Variants in SMG7 observed in about 807,000 individuals in gnomAD.
The protein encoded by SMG7 is nonsense-mediated mRNA decay factor SMG7.
A neutral mutation model predicts 148.2 loss-of-function variants in SMG7; 34 were observed. That is an observed-to-expected ratio of 0.23 (90% CI 0.17 to 0.31). The LOEUF is 0.31. Ranked by LOEUF, SMG7 falls within the 10% of genes least tolerant of loss-of-function variation. The pLI, the probability that SMG7 is intolerant of heterozygous loss-of-function variation, is 1.00. For synonymous variants in SMG7, 492 were observed against 515.1 expected, an observed-to-expected ratio of 0.96 and a Z score of 0.61; for missense variants, 1,114 against 1,408.4, an observed-to-expected ratio of 0.79 and a Z score of 3.35.
intron 4 of SMG7, among the ~76,000 whole-genome samples, chr1:183,523,352 G>A (rs1665173473): frequency 1.3e-5 from 2 of 152,090 alleles, no homozygotes; most frequent in African/African-American, 4.8e-5. Context: ...TACCTCTGTG[G>A]TGCTTAGCTT....
At chr1:183,502,825 C>T (rs898691007) in intron 1 of SMG7, among the ~76,000 whole-genome samples, 2 of 152,124 alleles carry the variant, frequency 1.3e-5, no homozygotes, top group South Asian at 4.1e-4. Flanking sequence ...GCAATCAAGC[C>T]TCCCAAGTGC....
At position 183,547,127 on chromosome 1, in the gene SMG7, C is replaced by T. The variant is rs1670064775; in HGVS notation, c.2767C>T (p.Pro923Ser). 4 of 1,550,418 alleles carry T rather than the reference C, an allele frequency of 2.6e-6. No individual in the cohort carries two copies. Among genetic ancestry groups the T allele is most frequent in the South Asian group, 2.4e-5 (2 of 84,040 alleles). The stretch of plus-strand genomic sequence containing the variant: ...GGACCCCAAGAGCTCCCCTCTGCTT[C>T]CTCCGGACCTGTTAAAGAGTCTGGC... The part of the protein sequence containing the change: ...FEDPKSSPLL[P>S]PDLLKSLAAL... Residue 923 changes from proline (P) to serine (S), a missense_variant, in exon 18 of 23, where the codon CCT becomes TCT. This residue lies in a region of SMG7 where 788 missense variants were observed against 894.5 expected (regional missense o/e 0.88). Transcript: ENST00000688051.
chr1:183,533,832 A>G lies in SMG7; in HGVS notation c.1163A>G (p.Tyr388Cys). The change falls in exon 10 of 23, where the codon TAC becomes TGC. Residue 388 changes from tyrosine (Y) to cysteine (C), a missense_variant and splice_region_variant. Physicochemically the swap from Tyr to Cys is radical, Grantham distance 194. Coordinates refer to ENST00000688051, the MANE Select transcript of SMG7 (RefSeq NM_001375584.1). ...FQEAVVDERQ[Y>C]IWPWLISLLN... The stretch of plus-strand genomic sequence containing the variant: ...GAGGCAGTGGTGGATGAAAGACAGT[A>G]GTAAGTATTTTTAGAATTTCATGTT... 1.3e-6 allele frequency: 2 copies of G among 1,596,702 alleles called. No homozygotes were observed. The highest frequency in any genetic ancestry group is 1.7e-6 in the Non-Finnish European group (2 of 1,169,060).
intron 10 of SMG7, 113 bp from the exon 11 acceptor site, chr1:183,537,032 A>G: frequency 1.4e-6 from 1 of 693,378 alleles, no homozygotes; most frequent in South Asian, 1.8e-5. Context: ...AAATGCTGAA[A>G]TAAGGGAAAA....
At chr1:183,540,911 C>G in intron 12 of SMG7, 73 bp from the exon 13 acceptor site, 1 of 1,435,626 alleles carries the variant, frequency 7.0e-7, no homozygotes, top group South Asian at 1.2e-5. Flanking sequence ...TACAGTTAAT[C>G]AGGTGAACTT....
chr1:183,537,529 G>C (rs1004005209), intron 11 of SMG7, among the ~76,000 whole-genome samples: 1 of 152,034 alleles, frequency 6.6e-6, no homozygotes, highest in African/African-American at 2.4e-5. Flanking sequence ...CTCTGTCAAA[G>C]TAATACTTAC....
intron 1 of SMG7, among the ~76,000 whole-genome samples, chr1:183,496,217 C>T (rs769587830): frequency 2.5e-4 from 38 of 152,062 alleles, no homozygotes; most frequent in Non-Finnish European, 4.6e-4. Context: ...AGTTATCTTT[C>T]CTTCTTTATA....
At chr1:183,542,633 G>T in intron 14 of SMG7, 131 bp downstream of exon 14, 2 of 695,792 alleles carry the variant, frequency 2.9e-6, no homozygotes, top group South Asian at 4.2e-5. Flanking sequence ...TGCATAGTAA[G>T]GTTATATAAA....
At chr1:183,531,641 T>G (rs1666885940) in intron 8 of SMG7, among the ~76,000 whole-genome samples, 1 of 152,170 alleles carries the variant, frequency 6.6e-6, no homozygotes. Flanking sequence ...TTGTTAGTAC[T>G]AGGGTGTATT....
intron 4 of SMG7, among the ~76,000 whole-genome samples, chr1:183,526,290 A>G (rs565751421): frequency 1.3e-5 from 2 of 151,888 alleles, no homozygotes; most frequent in South Asian, 2.1e-4. Context: ...CTGAGACTAC[A>G]GGTGCTCACC....
chr1:183,544,239 G>A, intron 14 of SMG7, 114 bp from the exon 15 acceptor site: 1 of 718,902 alleles, frequency 1.4e-6, no homozygotes, highest in Non-Finnish European at 2.3e-6. Context: ...AATATCTTCA[G>A]CATGTACTTT....
chr1:183,538,387 A>G lies in SMG7; in HGVS notation c.1242A>G (p.Pro414=), dbSNP rs1572053335. The G allele has an allele frequency of 6.2e-7, 1 of 1,612,820 alleles. No homozygotes were observed. Among genetic ancestry groups the G allele is most frequent in the Non-Finnish European group, 8.5e-7 (1 of 1,178,848 alleles). The change falls in exon 12 of 23, where the codon CCA becomes CCG. Residue 414 remains proline (P), a synonymous_variant. Transcript: ENST00000688051. ...TTGATTTTGACCCTTTAGCGACACC[A>G]CTTCCAGAGGAGTTTGAATTACAAG... ...EEDLSSISAT[P]LPEEFELQGF...
In SMG7 at chr1:183,541,074, A is replaced by T. The variant is rs770630055; in HGVS notation, c.1386A>T (p.Ile462=). The T allele has an allele frequency of 6.2e-7, 1 of 1,613,638 alleles. No homozygotes were observed. Among genetic ancestry groups the T allele is most frequent in the African/African-American group, 1.3e-5 (1 of 75,052 alleles). ...RRIRQQRLIS[I]GKWIADNQPR... is the part of the protein sequence containing the mutation. ...TACGACAGCAACGCTTGATCTCTAT[A>T]GGCAAATGGATTGCTGATAATCAGC... Residue 462 remains isoleucine, a synonymous_variant, in exon 13 of 23, where the codon ATA becomes ATT. Coordinates refer to ENST00000688051, the MANE Select transcript of SMG7 (RefSeq NM_001375584.1).
chr1:183,510,042 T>G (rs765002495), intron 1 of SMG7, among the ~76,000 whole-genome samples: 22 of 152,332 alleles, frequency 1.4e-4, no homozygotes, highest in Admixed American at 1.0e-3. Context: ...CATACTGAAA[T>G]GTTACTTGTT....
Position 183,530,129 on chromosome 1 carries a change from A to T in SMG7, c.843+596A>T, listed in dbSNP as rs191564144. On this transcript the variant is annotated intron_variant, in intron 8 of 22. Transcript: ENST00000688051. The stretch of plus-strand genomic sequence containing the variant: ...AAAAGTATTAACTTTTTTTCAGTTC[A>T]TGTATTCAAATAAATATTTGACTAC... Among the ~76,000 whole-genome samples the T allele has an allele frequency of 5.1e-3, 770 of 152,298 alleles. 2 individuals are homozygous for T. Among genetic ancestry groups the T allele is most frequent in the Non-Finnish European group, 9.1e-3 (616 of 67,988 alleles).
chr1:183,549,186 C>CTTTT (rs766198637), intron 18 of SMG7, 22 bp from the exon 19 acceptor site: 1 of 1,576,770 alleles, frequency 6.3e-7, no homozygotes, highest in African/African-American at 1.3e-5. Flanking sequence ...ACTTAATTAC[C>CTTTT]TTTTTTTCTG....
chr1:183,505,969 T>A (rs1445529979), intron 1 of SMG7, among the ~76,000 whole-genome samples: 1 of 152,238 alleles, frequency 6.6e-6, no homozygotes. Flanking sequence ...ACTGGTTTTC[T>A]ATTGAAGGAC....
chr1:183,542,440 G>A lies in SMG7; in HGVS notation c.1780G>A (p.Glu594Lys), dbSNP rs1572074048. The change falls in exon 14 of 23, where the codon GAA becomes AAA. Residue 594 changes from glutamate (E) to lysine (K), a missense_variant. This residue lies in a region of SMG7 where 788 missense variants were observed against 894.5 expected (regional missense o/e 0.88). Coordinates refer to ENST00000688051, the MANE Select transcript of SMG7 (RefSeq NM_001375584.1). ...GAAGGACAACAACAAGAGGAAAACT[G>A]AAACCAAGAAATGCACCTTAGAAAA... ...GKKDNNKRKT[E>K]TKKCTLEKLQ... The A allele has an allele frequency of 1.2e-6, 2 of 1,613,980 alleles. No homozygotes were observed. Among genetic ancestry groups the A allele is most frequent in the Non-Finnish European group, 1.7e-6 (2 of 1,179,940 alleles).
chr1:183,505,564 G>A (rs1209808324), intron 1 of SMG7, among the ~76,000 whole-genome samples: 3 of 152,174 alleles, frequency 2.0e-5, no homozygotes, highest in Non-Finnish European at 2.9e-5. Flanking sequence ...GATCACGTCA[G>A]TGCTGTATCC....
Sources: gnomAD v4.1 joint callset for allele counts (sites outside exome capture counted in the v4.1 genomes callset) on GRCh38, gnomAD v4.1.1 for gene constraint, gnomAD v4.1.1 regional missense constraint, MANE v1.5 for transcripts, NCBI Gene and HGNC (gene_info 2026-07-23, HGNC 2026-07-21) for gene names.